TXK: variants seen among roughly 807,000 people sequenced by gnomAD.
TXK encodes TXK tyrosine kinase.
A neutral mutation model predicts 81.0 loss-of-function variants in TXK; 60 were observed. The ratio of observed to expected loss-of-function variants is 0.74; its 90% CI spans 0.60 to 0.92. The LOEUF is 0.92. TXK is among the 40% of genes least tolerant of loss of function. TXK has a pLI of 0.00. For missense variants in TXK, 581 were observed against 638.3 expected (o/e 0.91, Z 0.97); for synonymous variants, 203 against 210.7 (o/e 0.96, Z 0.32).
chr4:48,097,985 G>T (rs1718049764), intron 6 of TXK, among the ~76,000 whole-genome samples: 1 of 151,776 alleles, frequency 6.6e-6, no homozygotes, highest in South Asian at 2.1e-4. Flanking sequence ...CTCACCTTGC[G>T]ATCCGCCCGC....
intron 14 of TXK, among the ~76,000 whole-genome samples, chr4:48,069,727 G>A (rs1335625580): frequency 6.6e-6 from 1 of 152,116 alleles, no homozygotes; most frequent in Non-Finnish European, 1.5e-5. Context: ...TGGTCCTTCT[G>A]ACAGCATCCT....
intron 1 of TXK, 115 bp from the exon 2 acceptor site, chr4:48,114,517 G>T: frequency 1.8e-6 from 2 of 1,093,556 alleles, no homozygotes; most frequent in Non-Finnish European, 2.7e-6. Flanking sequence ...TCTCGATCGT[G>T]CCTTCCTTCA....
In TXK at chr4:48,081,929, G is replaced by A. The variant is rs151156998; in HGVS notation, c.957-1801C>T. Among the ~76,000 whole-genome samples, 237 of 152,144 alleles carry A rather than the reference G, an allele frequency of 1.6e-3. 1 individual carries two copies. The highest frequency in any genetic ancestry group is 2.4e-3 in the Non-Finnish European group (163 of 68,006). ...CATCTTTGTTCCTCTGGTTTCTTCCGACTACCTGCCACATTCAATTTATCA... is the reference window on the plus strand; with the variant it reads ...CATCTTTGTTCCTCTGGTTTCTTCCAACTACCTGCCACATTCAATTTATCA... On this transcript the variant is annotated intron_variant, in intron 10 of 14. Coordinates refer to ENST00000264316, the MANE Select transcript of TXK (RefSeq NM_003328.3).
chr4:48,122,551 T>C (rs1393871905), intron 1 of TXK, among the ~76,000 whole-genome samples: 1 of 152,236 alleles, frequency 6.6e-6, no homozygotes, highest in East Asian at 1.9e-4. Flanking sequence ...CCTTCTAACA[T>C]GCTGTGCAAT....
At chr4:48,114,690 G>A in intron 1 of TXK, 1 of 355,720 alleles carries the variant, frequency 2.8e-6, no homozygotes, top group Non-Finnish European at 5.2e-6. Context: ...CTTTGTCAGG[G>A]CTAATGTTCG....
At chr4:48,074,075 C>T (rs1168898268) in intron 12 of TXK, 22 bp from the exon 13 acceptor site, 2 of 1,556,720 alleles carry the variant, frequency 1.3e-6, no homozygotes. Flanking sequence ...AGATTCAAAG[C>T]ATATTGTGTT....
rs1259807051 is a variant in TXK at position 48,124,262 on chromosome 4, AC to A, written c.17-9861del. Among the ~76,000 whole-genome samples the A allele has an allele frequency of 4.6e-5, 7 of 151,550 alleles. No individual in the cohort carries two copies. The East Asian group carries it at 1.2e-3, about 25-fold the overall frequency. On this transcript the variant is annotated intron_variant, in intron 1 of 14. Transcript: ENST00000264316. ...TGCACTAGATGCCGGCAGCAACATA[AC>A]CCCCTCCCTTCTAACACCCACACCA...
chr4:48,114,511 G>A (rs776645521), intron 1 of TXK, 109 bp from the exon 2 acceptor site: 64 of 1,161,874 alleles, frequency 5.5e-5, no homozygotes, highest in Middle Eastern at 1.9e-4. Context: ...TGAAAGTCTC[G>A]ATCGTGCCTT....
chr4:48,114,367 A>C lies in TXK; in HGVS notation c.52T>G (p.Cys18Gly). 6.2e-7 allele frequency: 1 copy of C among 1,614,136 alleles called. No individual in the cohort carries two copies. Among genetic ancestry groups the C allele is most frequent in the Non-Finnish European group, 8.5e-7 (1 of 1,180,012 alleles). ...ACTTACCGCTTCTGCACTGAACAGC[A>C]ACAGCAGCAACAGAAAACCGACTGG... Reference protein sequence around the residue: ...TIQSVFCCCCCCSVQKRQMRT... With the variant: ...TIQSVFCCCCGCSVQKRQMRT... Residue 18 changes from cysteine (C) to glycine (G), a missense_variant, in exon 2 of 15, where the codon TGC becomes GGC. By Grantham distance (159) the Cys-to-Gly change is radical. Coordinates refer to ENST00000264316, the MANE Select transcript of TXK (RefSeq NM_003328.3).
intron 11 of TXK, among the ~76,000 whole-genome samples, chr4:48,077,618 C>T (rs1227577109): frequency 6.6e-6 from 1 of 152,034 alleles, no homozygotes; most frequent in Non-Finnish European, 1.5e-5. Flanking sequence ...GACAAACCTG[C>T]AGAGACTAGG....
At chr4:48,131,538 C>A (rs915235425) in intron 1 of TXK, among the ~76,000 whole-genome samples, 4 of 152,088 alleles carry the variant, frequency 2.6e-5, no homozygotes, top group Non-Finnish European at 5.9e-5. Flanking sequence ...TTGTTTTACC[C>A]AGCAGAAAAT....
chr4:48,067,785 T>C, intron 14 of TXK, 80 bp from the exon 15 acceptor site: 1 of 1,348,750 alleles, frequency 7.4e-7, no homozygotes, highest in South Asian at 1.2e-5. Context: ...GCTAAGCATG[T>C]GGGAGTCACT....
intron 9 of TXK, chr4:48,089,432 C>T (rs772776893): frequency 1.0e-4 from 18 of 171,974 alleles, no homozygotes; most frequent in Non-Finnish European, 1.9e-4. Context: ...ACTCTGCTGC[C>T]CAGGCTGGAG....
chr4:48,089,544 C>T (rs1337954371), intron 9 of TXK: 3 of 394,382 alleles, frequency 7.6e-6, no homozygotes, highest in Non-Finnish European at 9.7e-6. Flanking sequence ...GCATCCACCA[C>T]CAAACCCGGC....
chr4:48,096,889 A>C (rs1718003087), intron 6 of TXK, among the ~76,000 whole-genome samples: 1 of 152,202 alleles, frequency 6.6e-6, no homozygotes, highest in Non-Finnish European at 1.5e-5. Flanking sequence ...ATATCTAGAA[A>C]GTAATAAGGA....
At position 48,114,389 on chromosome 4, in the gene TXK, C is replaced by G. The variant is rs765750130; in HGVS notation, c.30G>C (p.Gln10His). Residue 10 changes from glutamine (Q) to histidine (H), a missense_variant, in exon 2 of 15, where the codon CAG (glutamine) becomes CAC (histidine). Gln to His is a conservative substitution (Grantham distance 24). Transcript: ENST00000264316. Reference protein sequence around the residue: MILSSYNTIQSVFCCCCCCS... With the variant: MILSSYNTIHSVFCCCCCCS... ...AGCAACAGCAGCAACAGAAAACCGA[C>G]TGGATGGTGTTATCTGAAAAGCAGA... 2 of 1,613,986 alleles carry G rather than the reference C, an allele frequency of 1.2e-6. No individual in the cohort carries two copies. The highest frequency in any genetic ancestry group is 1.7e-6 in the Non-Finnish European group (2 of 1,180,006).
Position 48,079,979 on chromosome 4 carries a change from C to T in TXK, c.1106G>A (p.Ser369Asn), listed in dbSNP as rs1336199365. The T allele has an allele frequency of 6.2e-7, 1 of 1,613,934 alleles. No homozygotes were observed. Among genetic ancestry groups the T allele is most frequent in the Non-Finnish European group, 8.5e-7 (1 of 1,179,986 alleles). ...KGKLRKEMLL[S>N]VCQDICEGME... is the part of the protein sequence containing the mutation. ...TCCTTCACATATATCCTGGCATACACTCAGTAGCATTTCCTTCCTAAGCTT... is the reference window on the plus strand; with the variant it reads ...TCCTTCACATATATCCTGGCATACATTCAGTAGCATTTCCTTCCTAAGCTT... The change falls in exon 11 of 15, where the codon AGT becomes AAT. Residue 369 changes from serine to asparagine, a missense_variant. Physicochemically the swap from Ser to Asn is conservative, Grantham distance 46. Transcript: ENST00000264316.
At chr4:48,106,305 T>A (rs900983962) in intron 5 of TXK, 1 of 152,096 alleles carries the variant, frequency 6.6e-6, no homozygotes, top group Non-Finnish European at 1.5e-5. Flanking sequence ...AGGAAAGAGA[T>A]TGAACGAATG....
intron 9 of TXK, 151 bp from the exon 10 acceptor site, chr4:48,086,788 T>C: frequency 1.5e-6 from 1 of 681,360 alleles, no homozygotes; most frequent in Non-Finnish European, 2.4e-6. Context: ...ATACTCTCAC[T>C]GTGGCTTAAA....
Sources: gnomAD v4.1 joint callset for allele counts (sites outside exome capture counted in the v4.1 genomes callset) on GRCh38, gnomAD v4.1.1 for gene constraint, MANE v1.5 for transcripts, NCBI Gene and HGNC (gene_info 2026-07-23, HGNC 2026-07-21) for gene names.